EXOC4: variants seen among roughly 807,000 people sequenced by gnomAD.
EXOC4 encodes SEC8-like 1.
Under a neutral mutation model 107.2 loss-of-function variants are expected in EXOC4, and 71 were observed. That is an observed-to-expected ratio of 0.66 (90% CI 0.55 to 0.81). The LOEUF is 0.81. Ranked by LOEUF, EXOC4 falls within the 30% of genes least tolerant of loss-of-function variation. EXOC4 has a pLI of 0.00. For missense variants in EXOC4, 1,108 were observed against 1,189.6 expected (o/e 0.93, Z 1.01); for synonymous variants, 456 against 441.2 (o/e 1.03, Z -0.42).
the EXOC4 span, among the ~76,000 whole-genome samples, chr7:134,094,260 G>A: frequency 6.6e-6 from 1 of 152,054 alleles, no homozygotes; most frequent in Non-Finnish European, 1.5e-5. Context: ...AAATACAAAA[G>A]ATCCTAAGAG....
chr7:133,994,547 T>C (rs1322037563), intron 14 of EXOC4, among the ~76,000 whole-genome samples: 1 of 152,166 alleles, frequency 6.6e-6, no homozygotes, highest in East Asian at 1.9e-4. Context: ...GCATGCTTTA[T>C]GCAGTGGTCA....
chr7:133,912,987 G>C (rs60266194), intron 12 of EXOC4, among the ~76,000 whole-genome samples: 1 of 152,108 alleles, frequency 6.6e-6, no homozygotes, highest in Non-Finnish European at 1.5e-5. Flanking sequence ...CTGGTATAGG[G>C]GTGATGAGGC....
At chr7:133,473,540 TAC>T (rs1238030821) in intron 7 of EXOC4, among the ~76,000 whole-genome samples, 1 of 152,192 alleles carries the variant, frequency 6.6e-6, no homozygotes, top group Non-Finnish European at 1.5e-5. Context: ...TGTCTTTTTG[TAC>T]AGTTTTTGAC....
At chr7:133,764,028 T>C (rs1054007520) in intron 10 of EXOC4, among the ~76,000 whole-genome samples, 15 of 152,124 alleles carry the variant, frequency 9.9e-5, no homozygotes, top group Non-Finnish European at 2.2e-4. Flanking sequence ...TTCTTTAACC[T>C]TGTGACTTTG....
intron 14 of EXOC4, among the ~76,000 whole-genome samples, chr7:133,993,970 A>G (rs1170547223): frequency 6.6e-6 from 1 of 152,246 alleles, no homozygotes; most frequent in Non-Finnish European, 1.5e-5. Flanking sequence ...TCTGTAATGG[A>G]GTGAGCAAGG....
At chr7:133,976,748 A>G (rs1198432253) in intron 14 of EXOC4, among the ~76,000 whole-genome samples, 3 of 152,200 alleles carry the variant, frequency 2.0e-5, no homozygotes, top group East Asian at 3.8e-4. Context: ...CACAGTCTCA[A>G]ATACCTTTGT....
intron 10 of EXOC4, among the ~76,000 whole-genome samples, chr7:133,811,527 T>C (rs1797230481): frequency 6.6e-6 from 1 of 152,256 alleles, no homozygotes; most frequent in Admixed American, 6.5e-5. Flanking sequence ...GAAGAGCTGC[T>C]TGCAATATTT....
intron 11 of EXOC4, among the ~76,000 whole-genome samples, chr7:133,870,766 C>T (rs941051678): frequency 6.6e-6 from 1 of 152,212 alleles, no homozygotes; most frequent in African/African-American, 2.4e-5. Context: ...TCTAGACTTG[C>T]CTTCTCAAAC....
chr7:133,747,465 G>C (rs1308245743), intron 10 of EXOC4, among the ~76,000 whole-genome samples: 1 of 151,942 alleles, frequency 6.6e-6, no homozygotes, highest in African/African-American at 2.4e-5. Flanking sequence ...TTTCTTACAG[G>C]GAATAAACTT....
intron 5 of EXOC4, among the ~76,000 whole-genome samples, chr7:133,352,857 A>G (rs1795941705): frequency 6.6e-6 from 1 of 152,000 alleles, no homozygotes; most frequent in South Asian, 2.1e-4. Context: ...TTAACATTCT[A>G]AAGTTATAAC....
chr7:134,005,198 T>C, intron 16 of EXOC4, 108 bp downstream of exon 16: 1 of 1,195,884 alleles, frequency 8.4e-7, no homozygotes, highest in South Asian at 1.5e-5. Context: ...AGTTGTTTGC[T>C]TGCTTGCTTG....
At chr7:133,331,242 G>A (rs866436162) in intron 5 of EXOC4, among the ~76,000 whole-genome samples, 3 of 151,910 alleles carry the variant, frequency 2.0e-5, no homozygotes, top group African/African-American at 7.2e-5. Context: ...CAAATAATTT[G>A]CAATTCACAG....
chr7:133,545,157 A>T (rs1800456844), intron 9 of EXOC4, among the ~76,000 whole-genome samples: 1 of 152,084 alleles, frequency 6.6e-6, no homozygotes, highest in African/African-American at 2.4e-5. Context: ...CCACTCTTGC[A>T]TTATAGAAGA....
At chr7:134,082,522 C>G in the EXOC4 span, among the ~76,000 whole-genome samples, 48 of 152,312 alleles carry the variant, frequency 3.2e-4, no homozygotes, top group South Asian at 6.8e-3. Flanking sequence ...CTCACTGCAA[C>G]CTCCACCTCC....
chr7:133,649,347 A>C (rs1803074210), intron 10 of EXOC4, among the ~76,000 whole-genome samples: 1 of 152,076 alleles, frequency 6.6e-6, no homozygotes, highest in Non-Finnish European at 1.5e-5. Flanking sequence ...AGTTTTCAAT[A>C]CACATGATAG....
At chr7:134,075,212 A>G in the EXOC4 span, among the ~76,000 whole-genome samples, 1 of 152,218 alleles carries the variant, frequency 6.6e-6, no homozygotes. Context: ...ACATGCATAC[A>G]GCATGGGTGA....
At chr7:133,529,474 G>A (rs1800140001) in intron 9 of EXOC4, among the ~76,000 whole-genome samples, 1 of 152,136 alleles carries the variant, frequency 6.6e-6, no homozygotes, top group Non-Finnish European at 1.5e-5. Context: ...CAGATGCTTA[G>A]TCCTATTACT....
At chr7:133,275,282 A>T in intron 2 of EXOC4, 111 bp downstream of exon 2, 1 of 899,990 alleles carries the variant, frequency 1.1e-6, no homozygotes, top group Non-Finnish European at 1.5e-6. Flanking sequence ...GTGATTCAAA[A>T]TGCCACTTTT....
At chr7:133,451,026 A>G (rs1023935268) in intron 7 of EXOC4, among the ~76,000 whole-genome samples, 2 of 152,210 alleles carry the variant, frequency 1.3e-5, no homozygotes, top group Non-Finnish European at 2.9e-5. Flanking sequence ...TTTGGAGAAT[A>G]CAGACAGTGC....
Sources: allele counts gnomAD v4.1 joint callset (sites outside exome capture counted in the v4.1 genomes callset), GRCh38; gene constraint gnomAD v4.1.1; transcripts MANE v1.5; gene names NCBI Gene and HGNC (gene_info 2026-07-23, HGNC 2026-07-21).